SCML4: variants seen among roughly 807,000 people sequenced by gnomAD.
The protein encoded by SCML4 is sex comb on midleg-like protein 4.
In SCML4, 34 loss-of-function variants were observed where a neutral mutation model predicts 41.1. The observed-to-expected ratio is 0.83, with a 90% CI of 0.63 to 1.10. The LOEUF (loss-of-function observed/expected upper bound fraction) is 1.10. Among genes scored for constraint, SCML4 ranks in the 50% least tolerant of loss-of-function variants. SCML4 has a pLI of 0.00. For synonymous variants in SCML4, 214 were observed against 220.9 expected, an observed-to-expected ratio of 0.97 and a Z score of 0.28; for missense variants, 522 against 534.1, an observed-to-expected ratio of 0.98 and a Z score of 0.22.
chr6:107,774,026 G>A (rs969254398), intron 1 of SCML4, among the ~76,000 whole-genome samples: 6 of 152,192 alleles, frequency 3.9e-5, no homozygotes, highest in African/African-American at 1.4e-4. Context: ...TTCTGAATAT[G>A]AGCAGTATTC....
intron 1 of SCML4, among the ~76,000 whole-genome samples, chr6:107,778,170 A>C (rs1781109004): frequency 7.2e-6 from 1 of 138,432 alleles, no homozygotes. Flanking sequence ...TTCAGCCTGG[A>C]CAACAGAGTG....
the SCML4 span, among the ~76,000 whole-genome samples, chr6:107,837,089 C>T: frequency 6.6e-6 from 1 of 152,134 alleles, no homozygotes. Context: ...TCCTGACTCT[C>T]AGTCTTGTTC....
upstream of SCML4, among the ~76,000 whole-genome samples, chr6:107,828,996 C>G (rs1288892106): frequency 3.9e-5 from 6 of 152,102 alleles, no homozygotes; most frequent in African/African-American, 9.7e-5. Context: ...CGGAATGAAA[C>G]TTTTAAAATG....
chr6:107,764,685 G>A (rs372229200), intron 2 of SCML4, among the ~76,000 whole-genome samples: 3 of 152,144 alleles, frequency 2.0e-5, no homozygotes, highest in East Asian at 3.9e-4. Context: ...AAACAAAAAA[G>A]TTCTATCTGA....
At chr6:107,822,092 C>G (rs781269658) in intron 1 of SCML4, among the ~76,000 whole-genome samples, 31 of 152,136 alleles carry the variant, frequency 2.0e-4, no homozygotes, top group Non-Finnish European at 3.4e-4. Context: ...AATACATAAA[C>G]AGCAGAGATG....
At chr6:107,823,175 C>A (rs1376886606) in intron 1 of SCML4, among the ~76,000 whole-genome samples, 1 of 152,166 alleles carries the variant, frequency 6.6e-6, no homozygotes, top group Non-Finnish European at 1.5e-5. Flanking sequence ...CAGTAAAAAA[C>A]CACTTTCTCA....
At chr6:107,746,998 T>A in intron 3 of SCML4, 109 bp from the exon 4 acceptor site, 1 of 928,686 alleles carries the variant, frequency 1.1e-6, no homozygotes, top group Non-Finnish European at 1.6e-6. Flanking sequence ...GGCCCTGGCC[T>A]TGGGAAAGCT....
chr6:107,708,475 T>C (rs1773901984), intron 6 of SCML4, among the ~76,000 whole-genome samples: 1 of 152,174 alleles, frequency 6.6e-6, no homozygotes, highest in Admixed American at 6.5e-5. Flanking sequence ...TCTGCCTCCA[T>C]GGCCTTCACA....
chr6:107,739,235 G>T (rs533525555), intron 5 of SCML4, among the ~76,000 whole-genome samples: 32 of 151,916 alleles, frequency 2.1e-4, no homozygotes, highest in Non-Finnish European at 3.5e-4. Flanking sequence ...AGAGTTTGAG[G>T]GACAAGACCT....
the SCML4 span, among the ~76,000 whole-genome samples, chr6:107,839,081 C>T: frequency 6.6e-6 from 1 of 152,198 alleles, no homozygotes; most frequent in East Asian, 1.9e-4. Flanking sequence ...AGGAGGATCG[C>T]TTGAGGCCAG....
chr6:107,728,398 G>T (rs992425169), intron 5 of SCML4, among the ~76,000 whole-genome samples: 3 of 152,106 alleles, frequency 2.0e-5, no homozygotes, highest in Admixed American at 2.0e-4. Context: ...ATCACCTGAG[G>T]TTGGGAGTTC....
At chr6:107,819,823 G>GA (rs1784816659) in intron 1 of SCML4, among the ~76,000 whole-genome samples, 1 of 152,200 alleles carries the variant, frequency 6.6e-6, no homozygotes. Flanking sequence ...GTCACCCCGG[G>GA]AAATATGCAA....
At chr6:107,841,589 C>G in the SCML4 span, among the ~76,000 whole-genome samples, 3 of 152,184 alleles carry the variant, frequency 2.0e-5, no homozygotes, top group Admixed American at 1.3e-4. Context: ...GCTTTCGTTC[C>G]CACGTCTGTA....
At chr6:107,790,636 G>A (rs955127273) in intron 1 of SCML4, among the ~76,000 whole-genome samples, 1 of 152,116 alleles carries the variant, frequency 6.6e-6, no homozygotes, top group Non-Finnish European at 1.5e-5. Context: ...CTAAATGCAA[G>A]GCATTTGTCC....
At chr6:107,827,816 A>T (rs1785304729), upstream of SCML4, among the ~76,000 whole-genome samples, 1 of 152,194 alleles carries the variant, frequency 6.6e-6, no homozygotes, top group Non-Finnish European at 1.5e-5. Context: ...ATGCAAATCT[A>T]CTTAGAGTAG....
At chr6:107,843,734 A>G in the SCML4 span, among the ~76,000 whole-genome samples, 1 of 152,176 alleles carries the variant, frequency 6.6e-6, no homozygotes, top group Non-Finnish European at 1.5e-5. Flanking sequence ...GAGATTGAAC[A>G]TGTTTCCAGG....
At chr6:107,731,206 C>T (rs559296998) in intron 5 of SCML4, among the ~76,000 whole-genome samples, 1 of 152,326 alleles carries the variant, frequency 6.6e-6, no homozygotes, top group Non-Finnish European at 1.5e-5. Context: ...ATGTATAAAA[C>T]TATAGATGCT....
In SCML4 at chr6:107,780,482, C is replaced by T. The variant is rs372881855; in HGVS notation, c.-59-8096G>A. Among the ~76,000 whole-genome samples, 101 of 152,138 alleles carry T rather than the reference C, an allele frequency of 6.6e-4. No homozygotes were observed. The South Asian group carries it at 7.3e-3, about 11-fold the overall frequency. The stretch of plus-strand genomic sequence containing the variant: ...CAGCAATTTGGGAGGTCAAGGCAGA[C>T]GAATCACTTGAGCCCAGGAGTTTGA... On this transcript the variant is annotated intron_variant, in intron 1 of 7. Coordinates refer to ENST00000369020, the MANE Select transcript of SCML4 (RefSeq NM_198081.5).
intron 1 of SCML4, among the ~76,000 whole-genome samples, chr6:107,777,628 A>C (rs2114584104): frequency 6.6e-6 from 1 of 152,334 alleles, no homozygotes; most frequent in South Asian, 2.1e-4. Flanking sequence ...AGTAACAAAA[A>C]GGCAAAAAGG....
Sources: allele counts gnomAD v4.1 joint callset (sites outside exome capture counted in the v4.1 genomes callset), GRCh38; gene constraint gnomAD v4.1.1; transcripts MANE v1.5; gene names NCBI Gene and HGNC (gene_info 2026-07-23, HGNC 2026-07-21).